Variants in OPHN1 observed in about 807,000 individuals in gnomAD.
OPHN1 encodes the protein oligophrenin-1.
In OPHN1, 11 loss-of-function variants were observed where a neutral mutation model predicts 60.7. The ratio of observed to expected loss-of-function variants is 0.18; its 90% confidence interval spans 0.11 to 0.30. The LOEUF (loss-of-function observed/expected upper bound fraction) is 0.30, where lower values mean the gene tolerates loss of function less well. Among genes scored for constraint, OPHN1 ranks in the 10% least tolerant of loss-of-function variants. OPHN1 has a pLI of 1.00. For missense variants in OPHN1, 449 were observed against 611.0 expected, an observed-to-expected ratio of 0.73 and a Z score of 2.80; for synonymous variants, 226 against 222.6, an observed-to-expected ratio of 1.02 and a Z score of -0.14.
At chrX:68,298,222 G>C (rs1391611449) in intron 3 of OPHN1, among the ~76,000 whole-genome samples, 1 of 111,260 alleles carries the variant, frequency 9.0e-6, no homozygotes, top group Non-Finnish European at 1.9e-5. Context: ...TAGGCTTTGA[G>C]GACCATCCAG....
At chrX:68,125,056 CTA>C (rs777574218) in intron 15 of OPHN1, among the ~76,000 whole-genome samples, 2 of 111,656 alleles carry the variant, frequency 1.8e-5, no homozygotes, top group South Asian at 7.6e-4. Context: ...ATTTTGAAAA[CTA>C]TACAAACACA....
chrX:68,182,586 G>A (rs1435740148), intron 15 of OPHN1, among the ~76,000 whole-genome samples: 1 of 111,368 alleles, frequency 9.0e-6, no homozygotes, highest in African/African-American at 3.3e-5. Context: ...ATGGGCCTAG[G>A]GAACTCCATG....
At chrX:68,121,288 AAAT>A (rs1237262008) in intron 15 of OPHN1, among the ~76,000 whole-genome samples, 1 of 112,365 alleles carries the variant, frequency 8.9e-6, no homozygotes, top group Non-Finnish European at 1.9e-5. Flanking sequence ...TCAAACAACT[AAAT>A]AACAAGAAAA....
chrX:68,199,912 T>C (rs1242954677), intron 11 of OPHN1, among the ~76,000 whole-genome samples: 2 of 111,632 alleles, frequency 1.8e-5, no homozygotes, highest in Non-Finnish European at 3.8e-5. Flanking sequence ...AATACAAAAA[T>C]TAGCTGGACA....
At chrX:68,212,979 C>G (rs1464474682) in intron 7 of OPHN1, among the ~76,000 whole-genome samples, 1 of 112,378 alleles carries the variant, frequency 8.9e-6, no homozygotes, top group Non-Finnish European at 1.9e-5. Flanking sequence ...GGAGTCTAAA[C>G]CAACTTTAAA....
At chrX:68,383,458 A>G (rs1411011101) in intron 2 of OPHN1, among the ~76,000 whole-genome samples, 1 of 108,222 alleles carries the variant, frequency 9.2e-6, no homozygotes, top group Non-Finnish European at 1.9e-5. Context: ...TTCGCCAGGC[A>G]TGGTGATGCA....
chrX:68,051,926 AACAG>A (rs2076853355), intron 23 of OPHN1, among the ~76,000 whole-genome samples: 1 of 111,929 alleles, frequency 8.9e-6, no homozygotes, highest in Admixed American at 9.4e-5. Context: ...TGAACAGAGA[AACAG>A]ACAGATAAAG....
intron 5 of OPHN1, among the ~76,000 whole-genome samples, chrX:68,259,910 T>A (rs1038708541): frequency 8.9e-6 from 1 of 112,092 alleles, no homozygotes; most frequent in South Asian, 3.7e-4. Flanking sequence ...GATAAACCCA[T>A]AAAGCCATTG....
upstream of OPHN1, chrX:68,433,562 C>T (rs1442231331): frequency 6.9e-6 from 2 of 291,717 alleles, no homozygotes; most frequent in East Asian, 4.8e-5. Flanking sequence ...ACGCCTGCGC[C>T]CCGCCCCAGC....
chrX:68,245,398 G>A (rs1309618840), intron 5 of OPHN1, among the ~76,000 whole-genome samples: 26 of 111,935 alleles, frequency 2.3e-4, no homozygotes, highest in Non-Finnish European at 3.8e-5. Flanking sequence ...TTGTTCATAT[G>A]ATTTCCTCTA....
At chrX:68,182,188 G>GTTTTTTTTTTTTTTTTT (rs397951860) in intron 15 of OPHN1, among the ~76,000 whole-genome samples, 1 of 46,133 alleles carries the variant, frequency 2.2e-5, no homozygotes, top group African/African-American at 8.3e-5. Flanking sequence ...AAGCTCTGTA[G>GTTTTTTTTTTTTTTTTT]TTTTTTTTTT....
intron 15 of OPHN1, among the ~76,000 whole-genome samples, chrX:68,181,681 A>T (rs2077437637): frequency 9.0e-6 from 1 of 111,227 alleles, no homozygotes; most frequent in Admixed American, 9.6e-5. Context: ...AAAAAAAATT[A>T]GCCGGGCATG....
chrX:68,408,822 G>A (rs2078756282), intron 2 of OPHN1, among the ~76,000 whole-genome samples: 1 of 112,275 alleles, frequency 8.9e-6, no homozygotes, highest in Non-Finnish European at 1.9e-5. Flanking sequence ...TTGGCCAGGC[G>A]TGGTGGTGTG....
At chrX:68,294,484 A>T in intron 3 of OPHN1, among the ~76,000 whole-genome samples, 1 of 105,237 alleles carries the variant, frequency 9.5e-6, no homozygotes, top group South Asian at 4.4e-4. Context: ...AAAAAAAAAA[A>T]AAAAAAAAAA....
chrX:68,155,722 G>A, intron 15 of OPHN1, among the ~76,000 whole-genome samples: 1 of 111,614 alleles, frequency 9.0e-6, no homozygotes, highest in Admixed American at 9.5e-5. Context: ...GACATACTCT[G>A]CCCTGTGTAG....
At chrX:68,305,364 T>C (rs1471688294) in intron 2 of OPHN1, among the ~76,000 whole-genome samples, 1 of 112,241 alleles carries the variant, frequency 8.9e-6, no homozygotes, top group Non-Finnish European at 1.9e-5. Flanking sequence ...AGAGACCCCA[T>C]CTCAAAATAA....
Position 68,210,169 on chromosome X carries a change from G to A in OPHN1, c.816C>T (p.Leu272=), listed in dbSNP as rs1472351413. The A allele has an allele frequency of 2.5e-6, 3 of 1,210,580 alleles. No homozygotes were observed. In the South Asian group the frequency reaches 5.3e-5, roughly 21 times the overall value. The change falls in exon 9 of 25, where the codon CTC becomes CTT. Residue 272 remains leucine (L), a synonymous_variant. Coordinates refer to ENST00000355520, the MANE Select transcript of OPHN1 (RefSeq NM_002547.3). ...CCCACACACATTTCTCTTGTGTATA[G>A]AGATAGCCTTCAATAGTTGGCTGTC... The part of the protein sequence containing the change: ...LPGQPTIEGY[L]YTQEKWALGI...
chrX:68,430,318 T>C (rs992769209), intron 2 of OPHN1, among the ~76,000 whole-genome samples: 1 of 111,692 alleles, frequency 9.0e-6, no homozygotes, highest in African/African-American at 3.3e-5. Context: ...TTAGAATCCA[T>C]GCAATTGAAT....
chrX:68,121,418 A>G (rs2077150042), intron 15 of OPHN1, among the ~76,000 whole-genome samples: 1 of 111,987 alleles, frequency 8.9e-6, no homozygotes, highest in African/African-American at 3.2e-5. Flanking sequence ...GAGACACTGC[A>G]TTGAACTCCG....
Sources: gnomAD v4.1 joint callset for allele counts (sites outside exome capture counted in the v4.1 genomes callset) on GRCh38, gnomAD v4.1.1 for gene constraint, MANE v1.5 for transcripts, NCBI Gene and HGNC (gene_info 2026-07-23, HGNC 2026-07-21) for gene names.